The following BEND2 variants were observed in gnomAD, a reference collection of about 807,000 sequenced individuals.
BEND2 encodes BEN domain containing 2, also known as BEN domain-containing protein 2.
Under a neutral mutation model 43.8 loss-of-function variants are expected in BEND2, and 19 were observed. That is an observed-to-expected ratio of 0.43 (90% CI 0.30 to 0.64). The LOEUF (loss-of-function observed/expected upper bound fraction) is 0.64. Among genes scored for constraint, BEND2 ranks in the 30% least tolerant of loss-of-function variants. The pLI, the probability that BEND2 is intolerant of heterozygous loss-of-function variation, is 0.11. For synonymous variants in BEND2, 226 were observed against 210.1 expected, an observed-to-expected ratio of 1.08 and a Z score of -0.66; for missense variants, 544 against 574.0, an observed-to-expected ratio of 0.95 and a Z score of 0.53.
chrX:18,190,870 G>A, intron 8 of BEND2, 131 bp downstream of exon 8: 1 of 484,338 alleles, frequency 2.1e-6, no homozygotes, highest in Non-Finnish European at 3.4e-6. Context: ...AATCCTAGTT[G>A]TGATATTTTA....
At chrX:18,202,148 CT>C (rs1357134936) in intron 5 of BEND2, among the ~76,000 whole-genome samples, 1 of 111,673 alleles carries the variant, frequency 9.0e-6, no homozygotes, top group Non-Finnish European at 1.9e-5. Flanking sequence ...AAGAAGGAAT[CT>C]TGGAGCATCA....
intron 10 of BEND2, 152 bp downstream of exon 10, chrX:18,177,417 A>C (rs1924208918): frequency 1.8e-6 from 1 of 561,529 alleles, no homozygotes; most frequent in Non-Finnish European, 2.9e-6. Flanking sequence ...TATATTATTA[A>C]GTTGTAAAAT....
chrX:18,198,611 A>C (rs1014670570), intron 6 of BEND2, among the ~76,000 whole-genome samples: 1 of 111,711 alleles, frequency 9.0e-6, no homozygotes, highest in Non-Finnish European at 1.9e-5. Flanking sequence ...GTGGGACTGG[A>C]AACTAGTTCA....
intron 10 of BEND2, among the ~76,000 whole-genome samples, chrX:18,177,041 A>G (rs1467594572): frequency 9.0e-6 from 1 of 110,565 alleles, no homozygotes; most frequent in African/African-American, 3.3e-5. Context: ...TTTCTAGACT[A>G]TGAGCTCCTC....
chrX:18,183,042 C>A (rs1168847430), intron 8 of BEND2, among the ~76,000 whole-genome samples: 6 of 40,787 alleles, frequency 1.5e-4, no homozygotes, highest in South Asian at 2.0e-3. Flanking sequence ...ACTCTGTCTC[C>A]AAAAAAAAAA....
At chrX:18,197,475 T>C (rs1274924639) in intron 6 of BEND2, among the ~76,000 whole-genome samples, 1 of 111,832 alleles carries the variant, frequency 8.9e-6, no homozygotes, top group Non-Finnish European at 1.9e-5. Context: ...AACGAGCTAC[T>C]ACTAGCTTGC....
Position 18,212,621 on chromosome X carries a change from T to C in BEND2, c.436A>G (p.Ser146Gly). ...INHPVHLRRYSYNSEEVDFPK... is the reference protein window; with the variant it reads ...INHPVHLRRYGYNSEEVDFPK... ...AAATCCACTTCCTCTGAGTTGTAAC[T>C]GTATCTTCTTAAATGTACTGGGTGG... is the stretch of plus-strand genomic sequence containing the variant. The change falls in exon 4 of 14, where the codon AGT becomes GGT. Residue 146 changes from serine (S) to glycine (G), a missense_variant. By Grantham distance (56) the Ser-to-Gly change is moderately conservative. Transcript: ENST00000380033. The C allele has an allele frequency of 2.5e-6, 3 of 1,210,662 alleles. No individual in the cohort carries two copies. Among genetic ancestry groups the C allele is most frequent in the Non-Finnish European group, 3.4e-6 (3 of 894,473 alleles).
intron 6 of BEND2, among the ~76,000 whole-genome samples, chrX:18,199,926 G>C (rs1193925262): frequency 8.9e-6 from 1 of 111,829 alleles, no homozygotes; most frequent in Non-Finnish European, 1.9e-5. Context: ...CTCATGCATT[G>C]CTGGTGGAAA....
intron 8 of BEND2, among the ~76,000 whole-genome samples, chrX:18,186,865 G>A (rs1295753320): frequency 9.2e-6 from 1 of 108,969 alleles, no homozygotes; most frequent in Non-Finnish European, 1.9e-5. Flanking sequence ...TACTTTGGAG[G>A]CTGAGGTGGG....
chrX:18,213,749 T>C, intron 3 of BEND2, 25 bp downstream of exon 3: 1 of 126,549 alleles, frequency 7.9e-6, no homozygotes, highest in Non-Finnish European at 1.6e-5. Context: ...TCATCTCTAC[T>C]AAAAATAAAA....
At chrX:18,217,981 C>T in intron 1 of BEND2, among the ~76,000 whole-genome samples, 1 of 108,256 alleles carries the variant, frequency 9.2e-6, no homozygotes, top group Non-Finnish European at 1.9e-5. Context: ...TGGCATGTGC[C>T]TGTAGTCCCA....
Position 18,220,699 on chromosome X carries a change from G to T in BEND2, c.25+27C>A, listed in dbSNP as rs745842878. Reference sequence around the variant, plus strand: ...GACAGAACTTGAGGCCCAAGCTAGCGGGCCAGTTGAGGCGAGGTCACTTTA... The same window carrying T: ...GACAGAACTTGAGGCCCAAGCTAGCTGGCCAGTTGAGGCGAGGTCACTTTA... On this transcript the variant is annotated intron_variant, in intron 1 of 13. Transcript: ENST00000380033. The T allele has an allele frequency of 1.5e-5, 18 of 1,208,370 alleles. No homozygotes were observed. In the African/African-American group the frequency reaches 2.6e-4, roughly 18 times the overall value.
Position 18,216,439 on chromosome X carries a change from G to C in BEND2, c.238+82C>G, listed in dbSNP as rs997727223. 1.2e-5 allele frequency: 10 copies of C among 869,333 alleles called. No individual in the cohort carries two copies. In the African/African-American group the frequency reaches 2.0e-4, roughly 17 times the overall value. 71.6% of individuals were successfully genotyped at this position (869,333 alleles called of 1,213,427 possible). A position where few individuals can be genotyped will look rare whatever the true frequency, so the allele number is the denominator to read the frequency against. On this transcript the variant is annotated intron_variant, in intron 2 of 13. Coordinates refer to ENST00000380033, the MANE Select transcript of BEND2 (RefSeq NM_153346.5). The stretch of plus-strand genomic sequence containing the variant: ...CTGGTCATAACTAATTACTGTAAAG[G>C]TTACAGGAATATTTAAGCAATTTAC...
At chrX:18,200,593 T>C (rs12387348) in intron 6 of BEND2, among the ~76,000 whole-genome samples, 3,436 of 106,270 alleles carry the variant, frequency 0.032, 133 homozygotes, top group African/African-American at 0.11. Flanking sequence ...CTATACTGAG[T>C]GAAAAACACC....
At chrX:18,211,948 T>G (rs761949491) in intron 4 of BEND2, among the ~76,000 whole-genome samples, 32 of 109,652 alleles carry the variant, frequency 2.9e-4, no homozygotes, top group Non-Finnish European at 5.9e-4. Context: ...CAGTTCTATT[T>G]ATGTGAAGTT....
intron 8 of BEND2, among the ~76,000 whole-genome samples, chrX:18,185,929 G>GAAAAAAA (rs1924555639): frequency 9.0e-6 from 1 of 110,855 alleles, no homozygotes; most frequent in Non-Finnish European, 1.9e-5. Context: ...AACAAAAGCT[G>GAAAAAAA]ACAGATTTCA....
In BEND2 at chrX:18,174,168, C is replaced by G. The variant is rs373970066; in HGVS notation, c.1843G>C (p.Gly615Arg). ...NDQRGRDGGE[G>R]CSWMFQPMNN... ...ATTGGCTGAAACATCCAAGAACAGC[C>G]TTCACCACCATCTCTGCCCCTTTGG... Residue 615 changes from glycine to arginine, a missense_variant, in exon 12 of 14, where the codon GGC (glycine) becomes CGC (arginine). Physicochemically the swap from Gly to Arg is moderately radical, Grantham distance 125. Around this residue, in one of 2 missense-constraint regions of BEND2, gnomAD observed 501 missense variants for 501.6 expected, o/e 1.00. Transcript: ENST00000380033. 19 of 1,211,760 alleles carry G rather than the reference C, an allele frequency of 1.6e-5. No individual in the cohort carries two copies. Among genetic ancestry groups the G allele is most frequent in the Non-Finnish European group, 2.1e-5 (19 of 895,341 alleles).
rs375462171 is a variant in BEND2 at position 18,179,886 on chromosome X, T to C, written c.1429+624A>G. On this transcript the variant is annotated intron_variant, in intron 9 of 13. Coordinates refer to ENST00000380033, the MANE Select transcript of BEND2 (RefSeq NM_153346.5). ...CAGTACAGTGGACTGGTAAGAAACA[T>C]GAGCTTTAGGCCAGTTACGGTGGCT... Among the ~76,000 whole-genome samples the C allele has an allele frequency of 6.8e-4, 76 of 112,446 alleles. 1 individual carries two copies. In the East Asian group the frequency reaches 0.013, roughly 20 times the overall value.
chrX:18,214,129 C>T (rs779162319), intron 2 of BEND2, among the ~76,000 whole-genome samples: 18 of 110,753 alleles, frequency 1.6e-4, no homozygotes, highest in Non-Finnish European at 5.7e-5. Context: ...GTAAAAAAAG[C>T]CAGACACAAG....
Sources: gnomAD v4.1 joint callset for allele counts (sites outside exome capture counted in the v4.1 genomes callset) on GRCh38, gnomAD v4.1.1 for gene constraint, gnomAD v4.1.1 regional missense constraint, MANE v1.5 for transcripts, NCBI Gene and HGNC (gene_info 2026-07-23, HGNC 2026-07-21) for gene names.